The following PKNOX1 variants were observed in gnomAD, a reference collection of about 807,000 sequenced individuals.
The protein encoded by PKNOX1 is PBX/knotted 1 homeobox 1, also known as homeobox protein PKNOX1.
Under a neutral mutation model 51.9 loss-of-function variants are expected in PKNOX1, and 15 were observed. The ratio of observed to expected loss-of-function variants is 0.29; its 90% confidence interval spans 0.19 to 0.45. The LOEUF (loss-of-function observed/expected upper bound fraction) is 0.45. Ranked by LOEUF, PKNOX1 falls within the 20% of genes least tolerant of loss-of-function variation. The probability of loss-of-function intolerance (pLI) is 1.00; values close to 1 mark genes in which losing one functional copy is unlikely to be tolerated. For missense variants in PKNOX1, 462 were observed against 547.5 expected (o/e 0.84, Z 1.56); for synonymous variants, 219 against 211.1 (o/e 1.04, Z -0.32).
At chr21:42,979,620 T>C (rs1016042718) in intron 1 of PKNOX1, among the ~76,000 whole-genome samples, 1 of 152,124 alleles carries the variant, frequency 6.6e-6, no homozygotes, top group Non-Finnish European at 1.5e-5. Flanking sequence ...CGGGCACCTG[T>C]ATTCTCAGCC....
chr21:42,994,967 G>A (rs183811279), intron 1 of PKNOX1, among the ~76,000 whole-genome samples: 1 of 139,994 alleles, frequency 7.1e-6, no homozygotes, highest in Non-Finnish European at 1.5e-5. Flanking sequence ...TGTCGCCCAG[G>A]CTGGAGTGCA....
intron 10 of PKNOX1, among the ~76,000 whole-genome samples, chr21:43,029,420 C>CTTTTT (rs1568906878): frequency 5.7e-5 from 5 of 87,522 alleles, no homozygotes; most frequent in African/African-American, 2.1e-4. Flanking sequence ...TATTTGTTTG[C>CTTTTT]TTTGTTTTTT....
chr21:42,998,102 A>G (rs1260494025), intron 1 of PKNOX1, among the ~76,000 whole-genome samples: 1 of 152,144 alleles, frequency 6.6e-6, no homozygotes, highest in African/African-American at 2.4e-5. Context: ...CAAAAGAAAG[A>G]GGTTTAATTG....
intron 1 of PKNOX1, among the ~76,000 whole-genome samples, chr21:42,993,478 TTGTGTCCAAAGAGA>T (rs1397810438): frequency 6.6e-6 from 1 of 152,070 alleles, no homozygotes; most frequent in Non-Finnish European, 1.5e-5. Context: ...GTGGAAGTGG[TTGTGTCCAAAGAGA>T]TTTTCGTAAA....
In PKNOX1 at chr21:43,018,179, A is replaced by G. The variant is rs1979582042; in HGVS notation, c.669A>G (p.Gln223=). Residue 223 remains glutamine, a synonymous_variant, in exon 7 of 11, where the codon CAA becomes CAG. Transcript: ENST00000291547. ...TCACGGTCGTCACTCCCCAAGGCCA[A>G]GTGGTCACACAGACATTGTCGCCTG... ...QPVTVVTPQG[Q]VVTQTLSPGT... 6.2e-7 allele frequency: 1 copy of G among 1,613,616 alleles called. No homozygotes were observed. Among genetic ancestry groups the G allele is most frequent in the African/African-American group, 1.3e-5 (1 of 74,842 alleles).
chr21:42,992,839 TCA>T (rs1376824844), intron 1 of PKNOX1, among the ~76,000 whole-genome samples: 1 of 138,438 alleles, frequency 7.2e-6, no homozygotes, highest in Non-Finnish European at 1.5e-5. Context: ...GGGGCCTTCC[TCA>T]CGGTATCGGG....
At chr21:43,004,128 T>C in intron 1 of PKNOX1, 198 bp from the exon 2 acceptor site, 1 of 336,334 alleles carries the variant, frequency 3.0e-6, no homozygotes, top group South Asian at 2.7e-5. Context: ...TCCCAGCTAC[T>C]AGGGAGGCTG....
intron 1 of PKNOX1, among the ~76,000 whole-genome samples, chr21:42,987,193 C>T (rs559267805): frequency 9.2e-5 from 14 of 151,538 alleles, no homozygotes; most frequent in African/African-American, 3.4e-4. Context: ...ACCAGCCTGA[C>T]CAACATGGAG....
At chr21:43,023,268 T>C (rs1979842024) in intron 8 of PKNOX1, among the ~76,000 whole-genome samples, 1 of 152,066 alleles carries the variant, frequency 6.6e-6, no homozygotes, top group Non-Finnish European at 1.5e-5. Flanking sequence ...CACACACTCA[T>C]TGATGGAGTC....
rs148113412 is a variant in PKNOX1, at chr21:43,022,918, T to A, written c.849+1487T>A. ...GCGATTATTACAGCCAATCAGTATATGTATAACATAATGATAGAACAACAC... is the reference window on the plus strand; with the variant it reads ...GCGATTATTACAGCCAATCAGTATAAGTATAACATAATGATAGAACAACAC... On this transcript the variant is annotated intron_variant, in intron 8 of 10. Transcript: ENST00000291547. 2.8e-3 allele frequency among the ~76,000 whole-genome samples: 426 copies of A among 152,306 alleles called. 1 individual carries two copies. Among genetic ancestry groups the A allele is most frequent in the African/African-American group, 9.3e-3 (385 of 41,568 alleles).
chr21:42,978,493 T>A (rs1447719197), intron 1 of PKNOX1, among the ~76,000 whole-genome samples: 1 of 149,230 alleles, frequency 6.7e-6, no homozygotes, highest in Non-Finnish European at 1.5e-5. Flanking sequence ...TTTCTTTTTT[T>A]TTTTTTTTTT....
chr21:43,024,716 CTT>C, intron 8 of PKNOX1, 153 bp from the exon 9 acceptor site: 1 of 606,888 alleles, frequency 1.6e-6, no homozygotes, highest in Non-Finnish European at 2.9e-6. Flanking sequence ...AGGAGAAACA[CTT>C]TGTTCGTGAG....
chr21:43,009,893 T>C (rs943751986), intron 3 of PKNOX1, among the ~76,000 whole-genome samples, 160 bp from the exon 4 acceptor site: 4 of 152,230 alleles, frequency 2.6e-5, no homozygotes, highest in African/African-American at 9.6e-5. Flanking sequence ...GCTGTGCAAC[T>C]GTAAAAACCG....
Position 42,993,719 on chromosome 21 carries a change from T to A in PKNOX1, c.-56-10607T>A, listed in dbSNP as rs1366296828. Among the ~76,000 whole-genome samples, 3 of 89,972 alleles carry A rather than the reference T, an allele frequency of 3.3e-5. No individual in the cohort carries two copies. In the Admixed American group the frequency reaches 4.8e-4, roughly 14 times the overall value. The allele number at this position is 89,972 out of a possible 152,430, so 59.0% of individuals were successfully genotyped here. On this transcript the variant is annotated intron_variant, in intron 1 of 10. Coordinates refer to ENST00000291547, the MANE Select transcript of PKNOX1 (RefSeq NM_004571.5). The stretch of plus-strand genomic sequence containing the variant: ...AGTATATTTTAAAATTTGGTATTCG[T>A]TAACTCTTTTTTTTTCTTTTTTTTT...
rs375763738 is a variant in PKNOX1, at chr21:43,021,472, C to T, written c.849+41C>T. ...CCAGCCCTTGCCTTGCAGCCCTCTGCGACGCTTGCTCTCTGGCTTATGTGT... is the reference window on the plus strand; with the variant it reads ...CCAGCCCTTGCCTTGCAGCCCTCTGTGACGCTTGCTCTCTGGCTTATGTGT... On this transcript the variant is annotated intron_variant, in intron 8 of 10. Transcript: ENST00000291547. This position sits in a 1 kb window ranked among gnomAD's most constrained non-coding sequence, Gnocchi z 4.6. The T allele has an allele frequency of 3.4e-5, 52 of 1,551,798 alleles. No individual in the cohort carries two copies. Among genetic ancestry groups the T allele is most frequent in the Admixed American group, 3.1e-4 (16 of 51,176 alleles).
chr21:43,007,570 C>A lies in PKNOX1; in HGVS notation c.131C>A (p.Pro44His). The A allele has an allele frequency of 1.7e-5, 28 of 1,614,170 alleles. No individual in the cohort carries two copies. The highest frequency in any genetic ancestry group is 2.4e-5 in the Non-Finnish European group (28 of 1,179,998). ...GATGCAGAAGGAGTGAGCCCTCCCCCTGTGGAGTCTCAGACCCCGATGGAT... is the reference window on the plus strand; with the variant it reads ...GATGCAGAAGGAGTGAGCCCTCCCCATGTGGAGTCTCAGACCCCGATGGAT... Reference protein sequence around the residue: ...EPDAEGVSPPPVESQTPMDVD... With the variant: ...EPDAEGVSPPHVESQTPMDVD... The change falls in exon 3 of 11, where the codon CCT becomes CAT. Residue 44 changes from proline (P) to histidine (H), a missense_variant. Physicochemically the swap from Pro to His is moderately conservative, Grantham distance 77. Around this residue, in one of 5 missense-constraint regions of PKNOX1, gnomAD observed 129 missense variants for 133.4 expected, o/e 0.97. Coordinates refer to ENST00000291547, the MANE Select transcript of PKNOX1 (RefSeq NM_004571.5).
intron 1 of PKNOX1, among the ~76,000 whole-genome samples, chr21:42,997,907 G>A (rs1053110097): frequency 6.6e-6 from 1 of 152,118 alleles, no homozygotes; most frequent in African/African-American, 2.4e-5. Flanking sequence ...GTGCGGAAGG[G>A]GGTCAGTAAG....
chr21:42,991,645 G>C (rs139835089), intron 1 of PKNOX1, among the ~76,000 whole-genome samples: 1 of 151,826 alleles, frequency 6.6e-6, no homozygotes, highest in Admixed American at 6.6e-5. Flanking sequence ...GGAGAATGGC[G>C]TGAACCCCAG....
At chr21:43,007,220 G>A (rs1170314217) in intron 2 of PKNOX1, among the ~76,000 whole-genome samples, 4 of 152,188 alleles carry the variant, frequency 2.6e-5, no homozygotes, top group South Asian at 4.1e-4. Flanking sequence ...CACGTGTGCC[G>A]TTCTCTTCAT....
Sources: allele counts gnomAD v4.1 joint callset (sites outside exome capture counted in the v4.1 genomes callset), GRCh38; gene constraint gnomAD v4.1.1; regional missense constraint gnomAD v4.1.1; non-coding constraint Gnocchi (gnomAD v3.1); transcripts MANE v1.5; gene names NCBI Gene and HGNC (gene_info 2026-07-23, HGNC 2026-07-21).